Variants in UNC5D observed in about 807,000 individuals in gnomAD.
UNC5D encodes the protein netrin receptor UNC5D.
In UNC5D, 39 loss-of-function variants were observed where a neutral mutation model predicts 105.4. That is an observed-to-expected ratio of 0.37 (90% CI 0.29 to 0.48). UNC5D has a LOEUF of 0.48. Ranked by LOEUF, UNC5D falls within the 20% of genes least tolerant of loss-of-function variation. The probability of loss-of-function intolerance (pLI) is 0.98; values close to 1 mark genes in which losing one functional copy is unlikely to be tolerated. For synonymous variants in UNC5D, 452 were observed against 450.4 expected (o/e 1.00, Z -0.04); for missense variants, 991 against 1,202.4 (o/e 0.82, Z 2.60).
chr8:35,512,530 G>T (rs1325961234), intron 1 of UNC5D, among the ~76,000 whole-genome samples: 34 of 36,952 alleles, frequency 9.2e-4, no homozygotes, highest in South Asian at 2.9e-3. Context: ...TATATATTCA[G>T]ATATGTATGT....
chr8:35,398,155 C>T (rs2128947473), intron 1 of UNC5D, among the ~76,000 whole-genome samples: 1 of 152,266 alleles, frequency 6.6e-6, no homozygotes, highest in Admixed American at 6.5e-5. Context: ...ATCATCCAAA[C>T]CAGGACACTA....
At chr8:35,318,778 T>C (rs1809490940) in intron 1 of UNC5D, among the ~76,000 whole-genome samples, 1 of 152,122 alleles carries the variant, frequency 6.6e-6, no homozygotes, top group African/African-American at 2.4e-5. Context: ...TCACTGAGCA[T>C]ATGGCATATG....
At chr8:35,622,740 C>T (rs1018041418) in intron 4 of UNC5D, among the ~76,000 whole-genome samples, 1 of 152,140 alleles carries the variant, frequency 6.6e-6, no homozygotes, top group African/African-American at 2.4e-5. Context: ...AGTTCTGCTT[C>T]TGTGTTTATT....
At chr8:35,286,746 G>A (rs1226190566) in intron 1 of UNC5D, among the ~76,000 whole-genome samples, 6 of 152,118 alleles carry the variant, frequency 3.9e-5, no homozygotes, top group Non-Finnish European at 8.8e-5. Flanking sequence ...CTCTACCCTA[G>A]ACCAGTAGGT....
At chr8:35,385,986 A>G (rs1803370367) in intron 1 of UNC5D, among the ~76,000 whole-genome samples, 1 of 152,216 alleles carries the variant, frequency 6.6e-6, no homozygotes, top group Admixed American at 6.5e-5. Context: ...TACTATCTAT[A>G]ATTGATTTCC....
At chr8:35,655,966 C>G (rs553055241) in intron 4 of UNC5D, among the ~76,000 whole-genome samples, 9 of 152,294 alleles carry the variant, frequency 5.9e-5, no homozygotes, top group Non-Finnish European at 4.4e-5. Context: ...GAATAATACT[C>G]AACTTGGGCA....
chr8:35,548,081 A>G (rs1815831017), intron 1 of UNC5D, among the ~76,000 whole-genome samples: 1 of 152,140 alleles, frequency 6.6e-6, no homozygotes, highest in South Asian at 2.1e-4. Flanking sequence ...AGCTGATTAG[A>G]TGGTACCCAC....
chr8:35,642,936 G>A (rs1489820968), intron 4 of UNC5D, among the ~76,000 whole-genome samples: 4 of 152,066 alleles, frequency 2.6e-5, no homozygotes, highest in Non-Finnish European at 5.9e-5. Context: ...AAGCAAACAG[G>A]TCTTTTGTTG....
At chr8:35,760,012 CA>C (rs1374763908) in intron 14 of UNC5D, among the ~76,000 whole-genome samples, 1 of 149,670 alleles carries the variant, frequency 6.7e-6, no homozygotes, top group East Asian at 2.0e-4. Flanking sequence ...AATTGAAAAG[CA>C]AAGAAAGAAC....
intron 3 of UNC5D, among the ~76,000 whole-genome samples, chr8:35,589,249 G>A (rs976923575): frequency 2.6e-5 from 4 of 151,796 alleles, no homozygotes; most frequent in African/African-American, 9.7e-5. Flanking sequence ...TAAATATTTT[G>A]AGCTTATGAT....
At chr8:35,254,388 T>C (rs538208176) in intron 1 of UNC5D, 15 of 152,332 alleles carry the variant, frequency 9.8e-5, no homozygotes, top group African/African-American at 3.6e-4. Context: ...TCTTTTTTTC[T>C]TGAGCTTATT....
In UNC5D at chr8:35,463,131, G is replaced by A. The variant is rs1809020951; in HGVS notation, c.104-86161G>A. Among the ~76,000 whole-genome samples, 3 of 152,102 alleles carry A rather than the reference G, an allele frequency of 2.0e-5. No individual in the cohort carries two copies. In the South Asian group the frequency reaches 6.2e-4, roughly 31 times the overall value. On this transcript the variant is annotated intron_variant, in intron 1 of 16. Coordinates refer to ENST00000404895, the MANE Select transcript of UNC5D (RefSeq NM_080872.4). Reference sequence around the variant, plus strand: ...AGCATTTCCAATTGGATTTGTGTCTGTTGCAGCCTTGGATGGGTTCCCACA... The same window carrying A: ...AGCATTTCCAATTGGATTTGTGTCTATTGCAGCCTTGGATGGGTTCCCACA...
intron 8 of UNC5D, among the ~76,000 whole-genome samples, chr8:35,719,677 A>ATGTT (rs779652245): frequency 3.3e-5 from 5 of 152,152 alleles, no homozygotes; most frequent in Non-Finnish European, 5.9e-5. Flanking sequence ...CCCTCAATAA[A>ATGTT]TGTTTGTTGA....
rs1479488397 is a variant in UNC5D, at chr8:35,795,069, C to G, written c.*4506C>G. 3.3e-5 allele frequency: 5 copies of G among 152,144 alleles called. No individual in the cohort carries two copies. Among genetic ancestry groups the G allele is most frequent in the Non-Finnish European group, 7.4e-5 (5 of 68,020 alleles). 9.4% of individuals were successfully genotyped at this position (152,144 alleles called of 1,614,324 possible). ...GGCAGTAACATTTAAACTTCATGTC[C>G]TAGCACCCGCCCTCCATCTGACCCA... On this transcript the variant is annotated 3_prime_UTR_variant, in exon 17 of 17. Transcript: ENST00000404895.
intron 2 of UNC5D, among the ~76,000 whole-genome samples, chr8:35,567,099 G>T (rs1383733944): frequency 2.0e-5 from 3 of 151,624 alleles, no homozygotes; most frequent in East Asian, 3.9e-4. Context: ...ACCATTAAAA[G>T]GTTGTGGTCT....
At chr8:35,304,405 T>TG (rs1000450816) in intron 1 of UNC5D, among the ~76,000 whole-genome samples, 9 of 152,022 alleles carry the variant, frequency 5.9e-5, no homozygotes, top group African/African-American at 1.9e-4. Context: ...TGTTTTTGTA[T>TG]GGGGGGAGGA....
At chr8:35,262,016 T>C (rs1804533655) in intron 1 of UNC5D, among the ~76,000 whole-genome samples, 1 of 152,186 alleles carries the variant, frequency 6.6e-6, no homozygotes, top group Admixed American at 6.5e-5. Context: ...GTGCAAATAA[T>C]ACCTCCGTGG....
intron 4 of UNC5D, among the ~76,000 whole-genome samples, chr8:35,623,194 T>C (rs1821464466): frequency 6.6e-6 from 1 of 152,150 alleles, no homozygotes. Flanking sequence ...TTGAGTTCTC[T>C]GCCACGGCTA....
chr8:35,249,016 ATT>A (rs1377739110), intron 1 of UNC5D, among the ~76,000 whole-genome samples: 1 of 61,036 alleles, frequency 1.6e-5, no homozygotes, highest in Non-Finnish European at 3.1e-5. Context: ...TATAATATAT[ATT>A]ATATATGTTT....
Sources: gnomAD v4.1 joint callset for allele counts (sites outside exome capture counted in the v4.1 genomes callset) on GRCh38, gnomAD v4.1.1 for gene constraint, MANE v1.5 for transcripts, NCBI Gene and HGNC (gene_info 2026-07-23, HGNC 2026-07-21) for gene names.